Variants in INIP observed in about 807,000 individuals in gnomAD.
INIP encodes INTS3 and NABP interacting protein.
Under a neutral mutation model 14.0 loss-of-function variants are expected in INIP, and 9 were observed. That is an observed-to-expected ratio of 0.64 (90% CI 0.39 to 1.12). The LOEUF (loss-of-function observed/expected upper bound fraction) is 1.12, where lower values mean the gene tolerates loss of function less well. Ranked by LOEUF, INIP falls within the 50% of genes most tolerant of loss-of-function variation. The pLI is 0.01. For synonymous variants in INIP, 37 were observed against 41.5 expected, an observed-to-expected ratio of 0.89 and a Z score of 0.41; for missense variants, 78 against 122.7, an observed-to-expected ratio of 0.64 and a Z score of 1.72.
intron 2 of INIP, among the ~76,000 whole-genome samples, chr9:112,710,824 C>T (rs1838624366): frequency 6.6e-6 from 1 of 152,012 alleles, no homozygotes; most frequent in African/African-American, 2.4e-5. Context: ...GTATTAATCT[C>T]CATATTAAGT....
intron 2 of INIP, among the ~76,000 whole-genome samples, chr9:112,712,624 A>T (rs1838682202): frequency 6.6e-6 from 1 of 152,254 alleles, no homozygotes; most frequent in Non-Finnish European, 1.5e-5. Flanking sequence ...TTAGCAAAGA[A>T]GTATAACTAT....
In INIP at chr9:112,695,163, C is replaced by T. The variant is rs542932568; in HGVS notation, c.26-930G>A. Among the ~76,000 whole-genome samples, 6 of 151,216 alleles carry T rather than the reference C, an allele frequency of 4.0e-5. No homozygotes were observed. The South Asian group carries it at 1.3e-3, about 32-fold the overall frequency. On this transcript the variant is annotated intron_variant, in intron 2 of 4. Coordinates refer to ENST00000374242, the MANE Select transcript of INIP (RefSeq NM_021218.3). ...CTCCAGCTCATTACAATCCTTATCACCTTGTTTACATTATCTGTAAGAATT... is the reference window on the plus strand; with the variant it reads ...CTCCAGCTCATTACAATCCTTATCATCTTGTTTACATTATCTGTAAGAATT...
chr9:112,694,275 A>C (rs1254080631), intron 2 of INIP, 42 bp from the exon 3 acceptor site: 1 of 1,207,416 alleles, frequency 8.3e-7, no homozygotes, highest in Admixed American at 2.0e-5. Context: ...AGAAAGAGAG[A>C]GTAATCAGAA....
intron 2 of INIP, among the ~76,000 whole-genome samples, chr9:112,698,014 A>AT (rs1489731043): frequency 1.3e-5 from 2 of 152,202 alleles, no homozygotes; most frequent in African/African-American, 4.8e-5. Flanking sequence ...AAATGAAATG[A>AT]TTAAAGTAGG....
At chr9:112,691,058 C>T (rs1837868211) in intron 3 of INIP, among the ~76,000 whole-genome samples, 2 of 152,120 alleles carry the variant, frequency 1.3e-5, no homozygotes, top group Admixed American at 6.5e-5. Flanking sequence ...CTGTTACTTC[C>T]CGATTAAAGC....
At chr9:112,690,754 T>C (rs1837857982) in intron 3 of INIP, among the ~76,000 whole-genome samples, 1 of 152,240 alleles carries the variant, frequency 6.6e-6, no homozygotes, top group Admixed American at 6.5e-5. Context: ...GATGGGTGTC[T>C]ACAGGAAGGC....
chr9:112,692,052 T>C (rs1425089551), intron 3 of INIP, among the ~76,000 whole-genome samples: 1 of 151,928 alleles, frequency 6.6e-6, no homozygotes, highest in Non-Finnish European at 1.5e-5. Context: ...AAGTGATCAG[T>C]GGTGTCAAAT....
At chr9:112,706,190 G>A (rs922616926) in intron 2 of INIP, among the ~76,000 whole-genome samples, 1 of 152,192 alleles carries the variant, frequency 6.6e-6, no homozygotes, top group Non-Finnish European at 1.5e-5. Context: ...TTATCCAAAT[G>A]TCAGGCAATA....
intron 2 of INIP, among the ~76,000 whole-genome samples, chr9:112,714,073 A>T (rs74873854): frequency 6.6e-6 from 1 of 152,142 alleles, no homozygotes; most frequent in Non-Finnish European, 1.5e-5. Context: ...ACAACCCCAA[A>T]GTTTACAAAC....
intron 4 of INIP, 54 bp downstream of exon 4, chr9:112,689,473 T>C (rs1290672311): frequency 7.4e-7 from 1 of 1,359,988 alleles, no homozygotes; most frequent in African/African-American, 1.4e-5. Flanking sequence ...ATGTGCCGGC[T>C]TCTGAGATCC....
At chr9:112,700,284 A>G (rs981037607) in intron 2 of INIP, among the ~76,000 whole-genome samples, 1 of 152,066 alleles carries the variant, frequency 6.6e-6, no homozygotes, top group Non-Finnish European at 1.5e-5. Flanking sequence ...GAAACTGTGA[A>G]CTATCTCAAA....
intron 2 of INIP, among the ~76,000 whole-genome samples, chr9:112,704,268 T>C (rs1286874514): frequency 1.3e-5 from 2 of 152,164 alleles, no homozygotes; most frequent in Admixed American, 6.6e-5. Flanking sequence ...CGAGTAGACA[T>C]TGTGAGTTCT....
chr9:112,704,974 G>A (rs774794635), intron 2 of INIP, among the ~76,000 whole-genome samples: 10 of 151,912 alleles, frequency 6.6e-5, no homozygotes, highest in Non-Finnish European at 1.5e-4. Flanking sequence ...AGCTGGATGT[G>A]GTGGTGCACA....
chr9:112,699,688 G>A (rs1181003001), intron 2 of INIP, among the ~76,000 whole-genome samples: 1 of 152,122 alleles, frequency 6.6e-6, no homozygotes, highest in Non-Finnish European at 1.5e-5. Flanking sequence ...TCCTGGGTAA[G>A]GGAGGATTAC....
At chr9:112,711,783 A>T (rs1838655706) in intron 2 of INIP, among the ~76,000 whole-genome samples, 1 of 152,202 alleles carries the variant, frequency 6.6e-6, no homozygotes, top group South Asian at 2.1e-4. Context: ...TGTCACCACA[A>T]CTTGCTTTTT....
At chr9:112,695,862 AAGG>A (rs1747818537) in intron 2 of INIP, among the ~76,000 whole-genome samples, 1 of 150,994 alleles carries the variant, frequency 6.6e-6, no homozygotes, top group African/African-American at 2.4e-5. Context: ...GGAGAAGAAG[AAGG>A]AGAAGAAGAA....
chr9:112,697,574 A>G (rs1188484105), intron 2 of INIP, among the ~76,000 whole-genome samples: 1 of 152,130 alleles, frequency 6.6e-6, no homozygotes, highest in Non-Finnish European at 1.5e-5. Flanking sequence ...ACAGAGCAAG[A>G]CCCTGTCACT....
At chr9:112,706,407 C>A (rs1435011242) in intron 2 of INIP, among the ~76,000 whole-genome samples, 1 of 152,078 alleles carries the variant, frequency 6.6e-6, no homozygotes, top group Admixed American at 6.5e-5. Context: ...CACTAGCACA[C>A]CTGGCTAATT....
intron 2 of INIP, among the ~76,000 whole-genome samples, chr9:112,698,946 T>C (rs922085865): frequency 1.3e-5 from 2 of 152,208 alleles, no homozygotes; most frequent in Admixed American, 6.5e-5. Flanking sequence ...ATTATTTTCA[T>C]TGATTTTCTG....
Sources: gnomAD v4.1 joint callset for allele counts (sites outside exome capture counted in the v4.1 genomes callset) on GRCh38, gnomAD v4.1.1 for gene constraint, MANE v1.5 for transcripts, NCBI Gene and HGNC (gene_info 2026-07-23, HGNC 2026-07-21) for gene names.